NDST3: variants seen among roughly 807,000 people sequenced by gnomAD.
The protein encoded by NDST3 is bifunctional heparan sulfate N-deacetylase/N-sulfotransferase 3.
In NDST3, 58 loss-of-function variants were observed where a neutral mutation model predicts 96.1. That is an observed-to-expected ratio of 0.60 (90% confidence interval 0.49 to 0.75). The LOEUF is 0.75. NDST3 is among the 30% of genes least tolerant of loss of function. The pLI is 0.00. For missense variants in NDST3, 788 were observed against 1,034.2 expected, an observed-to-expected ratio of 0.76 and a Z score of 3.27; for synonymous variants, 333 against 359.7, an observed-to-expected ratio of 0.93 and a Z score of 0.84.
chr4:118,187,285 T>G (rs1375426705), intron 6 of NDST3, among the ~76,000 whole-genome samples: 5 of 152,248 alleles, frequency 3.3e-5, no homozygotes, highest in African/African-American at 1.2e-4. Flanking sequence ...TTAAGTCTGT[T>G]GTGTAGCCAG....
chr4:118,208,479 T>G (rs1370238646), intron 6 of NDST3, among the ~76,000 whole-genome samples: 1 of 144,494 alleles, frequency 6.9e-6, no homozygotes, highest in African/African-American at 2.6e-5. Flanking sequence ...GTCAGTCTTC[T>G]CATCCCTGCA....
At chr4:118,196,216 C>T (rs1010727917) in intron 6 of NDST3, among the ~76,000 whole-genome samples, 1 of 152,036 alleles carries the variant, frequency 6.6e-6, no homozygotes, top group Non-Finnish European at 1.5e-5. Flanking sequence ...GATGAATGAC[C>T]TTTTTTACCA....
chr4:118,156,442 T>C lies in NDST3; in HGVS notation c.1539+12758T>C, dbSNP rs111453064. Among the ~76,000 whole-genome samples the C allele has an allele frequency of 7.2e-5, 11 of 152,340 alleles. 1 individual carries two copies. The highest frequency in any genetic ancestry group is 2.4e-4 in the African/African-American group (10 of 41,592). ...TTTTTGACTTCCTTGATGGAAGACA[T>C]CATGCCTTATTCTATTTTACATTCA... On this transcript the variant is annotated intron_variant, in intron 6 of 13. Transcript: ENST00000296499.
intron 1 of NDST3, among the ~76,000 whole-genome samples, chr4:118,045,602 A>G (rs1560605479): frequency 1.3e-5 from 2 of 152,218 alleles, no homozygotes; most frequent in Non-Finnish European, 2.9e-5. Flanking sequence ...ATTCTATTCT[A>G]GAATGTTATA....
At chr4:118,137,016 T>G (rs766541587) in intron 4 of NDST3, among the ~76,000 whole-genome samples, 2 of 152,156 alleles carry the variant, frequency 1.3e-5, no homozygotes, top group African/African-American at 2.4e-5. Flanking sequence ...CTTCCCCTCC[T>G]GTTCTTATTT....
At chr4:118,175,587 A>AG (rs112740467) in intron 6 of NDST3, among the ~76,000 whole-genome samples, 25,694 of 152,034 alleles carry the variant, frequency 0.17, 2,311 homozygotes, top group South Asian at 0.23. Context: ...TGACTCTTCT[A>AG]GTAACAATTA....
intron 3 of NDST3, among the ~76,000 whole-genome samples, chr4:118,110,653 A>T (rs1166099308): frequency 6.6e-6 from 1 of 152,192 alleles, no homozygotes; most frequent in Non-Finnish European, 1.5e-5. Context: ...TAAATATATT[A>T]AAAAATAAAT....
In NDST3 at chr4:118,237,148, T is replaced by G. The variant is rs934820322; in HGVS notation, c.2046T>G (p.Ala682=). Residue 682 remains alanine (A), a synonymous_variant, in exon 10 of 14, where the codon GCT becomes GCG. Coordinates refer to ENST00000296499, the MANE Select transcript of NDST3 (RefSeq NM_004784.3). The part of the protein sequence containing the change: ...FHSEEAPKRA[A]SLVPKAKIIT... ...CAGAGGAAGCCCCTAAAAGAGCTGC[T>G]TCTCTGGTTCCCAAAGCCAAGATTA... is the stretch of plus-strand genomic sequence containing the variant. 2 of 1,613,614 alleles carry G rather than the reference T, an allele frequency of 1.2e-6. No individual in the cohort carries two copies. The highest frequency in any genetic ancestry group is 2.7e-5 in the African/African-American group (2 of 74,924).
At chr4:118,254,817 G>A (rs1253496165) in intron 13 of NDST3, among the ~76,000 whole-genome samples, 1 of 152,064 alleles carries the variant, frequency 6.6e-6, no homozygotes, top group Non-Finnish European at 1.5e-5. Flanking sequence ...ACTACTTTTT[G>A]TGCCTTGCCT....
chr4:118,133,759 G>A lies in NDST3; in HGVS notation c.1225-4295G>A, dbSNP rs571174055. 6.6e-5 allele frequency among the ~76,000 whole-genome samples: 10 copies of A among 152,146 alleles called. No individual in the cohort carries two copies. The East Asian group carries it at 1.2e-3, about 18-fold the overall frequency. On this transcript the variant is annotated intron_variant, in intron 4 of 13. Transcript: ENST00000296499. The stretch of plus-strand genomic sequence containing the variant: ...GTTACCATATGTTTATTCTTCAGAC[G>A]AACAGGCAGTGTAATGAAGATAATT...
chr4:118,143,524 G>C, intron 5 of NDST3, 32 bp from the exon 6 acceptor site: 1 of 1,574,904 alleles, frequency 6.3e-7, no homozygotes, highest in South Asian at 1.2e-5. Context: ...AAAAAAAAAA[G>C]CTTTTCCTTA....
chr4:118,177,651 G>C (rs570241056), intron 6 of NDST3, among the ~76,000 whole-genome samples: 1 of 152,016 alleles, frequency 6.6e-6, no homozygotes, highest in East Asian at 1.9e-4. Context: ...TTTGCCTTTT[G>C]ACTTATCATT....
chr4:118,194,290 CT>C (rs1737518100), intron 6 of NDST3: 4 of 731,856 alleles, frequency 5.5e-6, no homozygotes, highest in Non-Finnish European at 1.0e-5. Context: ...CACCGCAAGT[CT>C]GTAATTCTGT....
chr4:118,182,204 C>T (rs1473147311), intron 6 of NDST3, among the ~76,000 whole-genome samples: 2 of 152,082 alleles, frequency 1.3e-5, no homozygotes, highest in Non-Finnish European at 2.9e-5. Context: ...AAAATGCATG[C>T]CCTGACAGGC....
intron 6 of NDST3, among the ~76,000 whole-genome samples, chr4:118,146,398 A>G (rs7661522): frequency 0.3 from 45,049 of 152,072 alleles, 7,041 homozygotes; most frequent in African/African-American, 0.37. Context: ...AGCTGAAAAC[A>G]AAAATATAAA....
At chr4:118,145,382 T>C (rs2125908835) in intron 6 of NDST3, among the ~76,000 whole-genome samples, 1 of 152,356 alleles carries the variant, frequency 6.6e-6, no homozygotes, top group African/African-American at 2.4e-5. Flanking sequence ...CAAATAATCA[T>C]GAACTTCTTA....
intron 4 of NDST3, 57 bp downstream of exon 4, chr4:118,115,017 G>T (rs966502826): frequency 1.7e-5 from 27 of 1,552,224 alleles, no homozygotes; most frequent in Non-Finnish European, 2.4e-5. Context: ...GAAATGAAAA[G>T]ATTCTTACAT....
chr4:118,151,491 C>T (rs1182753099), intron 6 of NDST3, among the ~76,000 whole-genome samples: 1 of 152,084 alleles, frequency 6.6e-6, no homozygotes, highest in African/African-American at 2.4e-5. Context: ...GCCTGAGATG[C>T]TTGAATTTTA....
intron 3 of NDST3, among the ~76,000 whole-genome samples, chr4:118,108,904 A>C (rs563450602): frequency 2.0e-5 from 3 of 152,216 alleles, no homozygotes; most frequent in Admixed American, 2.0e-4. Flanking sequence ...TGGGAACCTC[A>C]TGATTATGTT....
Sources: allele counts gnomAD v4.1 joint callset (sites outside exome capture counted in the v4.1 genomes callset), GRCh38; gene constraint gnomAD v4.1.1; transcripts MANE v1.5; gene names NCBI Gene and HGNC (gene_info 2026-07-23, HGNC 2026-07-21).